The following RHBDD1 variants were observed in gnomAD, a reference collection of about 807,000 sequenced individuals.
The protein encoded by RHBDD1 is rhomboid domain containing 1.
Under a neutral mutation model 36.3 loss-of-function variants are expected in RHBDD1, and 38 were observed. The ratio of observed to expected loss-of-function variants is 1.05; its 90% CI spans 0.81 to 1.37. The LOEUF is 1.37. Among genes scored for constraint, RHBDD1 ranks in the 40% most tolerant of loss-of-function variants. RHBDD1 has a pLI of 0.00. For missense variants in RHBDD1, 393 were observed against 377.6 expected, an observed-to-expected ratio of 1.04 and a Z score of -0.34; for synonymous variants, 151 against 136.5, an observed-to-expected ratio of 1.11 and a Z score of -0.74.
At chr2:226,860,045 A>G (rs773353768) in intron 3 of RHBDD1, among the ~76,000 whole-genome samples, 1 of 152,192 alleles carries the variant, frequency 6.6e-6, no homozygotes, top group Non-Finnish European at 1.5e-5. Context: ...ATAAAACTTG[A>G]TGGATAGGAT....
At chr2:226,909,424 T>A (rs10933162) in intron 7 of RHBDD1, among the ~76,000 whole-genome samples, 11,986 of 152,190 alleles carry the variant, frequency 0.079, 527 homozygotes, top group East Asian at 0.19. Flanking sequence ...TGCATTCCAG[T>A]CTGGGGTGGC....
At chr2:226,888,915 G>A (rs1574969016) in intron 5 of RHBDD1, among the ~76,000 whole-genome samples, 1 of 152,302 alleles carries the variant, frequency 6.6e-6, no homozygotes, top group East Asian at 1.9e-4. Context: ...AGTGATTTAA[G>A]GTGTATTTGC....
Position 226,852,278 on chromosome 2 carries a change from A to C in RHBDD1, c.-90-12326A>C, listed in dbSNP as rs149292615. ...ATAGTTAATTTAAAGTTCCGTTTTT[A>C]TAGCTGCCACCTTTGTTTCGCCGCA... On this transcript the variant is annotated intron_variant, in intron 3 of 8. Transcript: ENST00000392062. Among the ~76,000 whole-genome samples, 990 of 152,326 alleles carry C rather than the reference A, an allele frequency of 6.5e-3. 16 individuals are homozygous for C. The highest frequency in any genetic ancestry group is 0.022 in the African/African-American group (926 of 41,572).
intron 5 of RHBDD1, among the ~76,000 whole-genome samples, chr2:226,882,243 A>C (rs1204950739): frequency 6.6e-6 from 1 of 152,068 alleles, no homozygotes; most frequent in African/African-American, 2.4e-5. Context: ...CAGCCTGGCC[A>C]ACATGGTGAA....
the RHBDD1 span, among the ~76,000 whole-genome samples, chr2:226,800,721 C>G: frequency 1.3e-5 from 2 of 152,226 alleles, no homozygotes; most frequent in African/African-American, 4.8e-5. Flanking sequence ...CAAAACCCTA[C>G]TGTGCAAATA....
chr2:226,963,154 A>G (rs913770009), intron 8 of RHBDD1, among the ~76,000 whole-genome samples: 1 of 146,842 alleles, frequency 6.8e-6, no homozygotes, highest in Non-Finnish European at 1.5e-5. Context: ...CCCCTGGTTG[A>G]GAACCGCTAT....
intron 8 of RHBDD1, chr2:226,988,199 C>A: frequency 1.3e-6 from 1 of 767,158 alleles, no homozygotes; most frequent in Non-Finnish European, 2.0e-6. Context: ...GTAATTAAAA[C>A]TTACCCAAAG....
intron 5 of RHBDD1, among the ~76,000 whole-genome samples, chr2:226,905,124 T>C (rs552428345): frequency 9.9e-5 from 15 of 152,080 alleles, no homozygotes; most frequent in African/African-American, 3.1e-4. Flanking sequence ...GAGAGGTCAC[T>C]ATTCCAGGCT....
chr2:226,877,634 A>T (rs568697531), intron 5 of RHBDD1, among the ~76,000 whole-genome samples: 85 of 151,812 alleles, frequency 5.6e-4, no homozygotes, highest in African/African-American at 1.9e-3. Context: ...AGGGCCCATG[A>T]AAACAACGGC....
At chr2:226,879,860 GTCTTC>G (rs1308162480) in intron 5 of RHBDD1, among the ~76,000 whole-genome samples, 1 of 152,186 alleles carries the variant, frequency 6.6e-6, no homozygotes, top group Non-Finnish European at 1.5e-5. Flanking sequence ...AGGAATTTTG[GTCTTC>G]TCAGAGTTGG....
At chr2:226,943,949 C>G (rs1366372117) in intron 8 of RHBDD1, among the ~76,000 whole-genome samples, 1 of 152,192 alleles carries the variant, frequency 6.6e-6, no homozygotes, top group Non-Finnish European at 1.5e-5. Context: ...CAGTGGACTT[C>G]TGGATTTCTC....
chr2:226,811,600 G>A, the RHBDD1 span, among the ~76,000 whole-genome samples: 1 of 152,214 alleles, frequency 6.6e-6, no homozygotes, highest in East Asian at 1.9e-4. Context: ...ACCACGCCCA[G>A]CCAATAGTGG....
At chr2:226,931,818 CTA>C (rs1365522631) in intron 8 of RHBDD1, among the ~76,000 whole-genome samples, 1 of 151,510 alleles carries the variant, frequency 6.6e-6, no homozygotes, top group Admixed American at 6.6e-5. Context: ...TTTGGGTATT[CTA>C]GATCTTTTGC....
At chr2:226,994,886 T>C (rs1329330070) in intron 8 of RHBDD1, among the ~76,000 whole-genome samples, 1 of 152,210 alleles carries the variant, frequency 6.6e-6, no homozygotes, top group Non-Finnish European at 1.5e-5. Context: ...CCTACATCTT[T>C]GTTTACCTGC....
At position 226,867,292 on chromosome 2, in the gene RHBDD1, T is replaced by A. The variant is rs1219445245; in HGVS notation, c.540T>A (p.Leu180=). The change falls in exon 5 of 9, where the codon CTT becomes CTA. Residue 180 remains leucine (L), a synonymous_variant. Transcript: ENST00000392062. ...VPNRFACWVE[L]VAIHLFSPGT... The stretch of plus-strand genomic sequence containing the variant: ...ACAGATTTGCTTGTTGGGTCGAACT[T>A]GTGGCTATTCATTTATTCTCACCAG... 1 of 1,613,766 alleles carries A rather than the reference T, an allele frequency of 6.2e-7. No homozygotes were observed. Among genetic ancestry groups the A allele is most frequent in the Non-Finnish European group, 8.5e-7 (1 of 1,179,902 alleles).
At chr2:226,809,719 C>T in the RHBDD1 span, among the ~76,000 whole-genome samples, 2 of 152,072 alleles carry the variant, frequency 1.3e-5, no homozygotes, top group Admixed American at 6.6e-5. Context: ...ATATTTTAGA[C>T]AAAAGTTTAT....
the RHBDD1 span, among the ~76,000 whole-genome samples, chr2:226,817,792 C>A: frequency 1.3e-5 from 2 of 152,190 alleles, no homozygotes; most frequent in Admixed American, 6.5e-5. Flanking sequence ...GGTGCTCACG[C>A]AAAGTTAGAT....
chr2:226,986,979 A>G (rs959955418), intron 8 of RHBDD1, among the ~76,000 whole-genome samples: 3 of 152,266 alleles, frequency 2.0e-5, no homozygotes, highest in Non-Finnish European at 2.9e-5. Flanking sequence ...CATGTACACC[A>G]TGGAATACTA....
chr2:226,914,269 C>T lies in RHBDD1; in HGVS notation c.774C>T (p.Pro258=), dbSNP rs1948733382. Residue 258 remains proline, a synonymous_variant, in exon 8 of 9, where the codon CCC becomes CCT. Coordinates refer to ENST00000392062, the MANE Select transcript of RHBDD1 (RefSeq NM_001167608.3). ...GGCCAGATCACTATGAAGAAGCACCCAGGAACTATGACACGTACACAGCAG... is the reference window on the plus strand; with the variant it reads ...GGCCAGATCACTATGAAGAAGCACCTAGGAACTATGACACGTACACAGCAG... ...HGRPDHYEEA[P]RNYDTYTAGL... 1 of 1,613,820 alleles carries T rather than the reference C, an allele frequency of 6.2e-7. No homozygotes were observed. Among genetic ancestry groups the T allele is most frequent in the Admixed American group, 1.7e-5 (1 of 59,996 alleles).
Sources: gnomAD v4.1 joint callset for allele counts (sites outside exome capture counted in the v4.1 genomes callset) on GRCh38, gnomAD v4.1.1 for gene constraint, MANE v1.5 for transcripts, NCBI Gene and HGNC (gene_info 2026-07-23, HGNC 2026-07-21) for gene names.